The following UTP20 variants were observed in gnomAD, a reference collection of about 807,000 sequenced individuals.
The protein encoded by UTP20 is UTP20 small subunit processome component, also known as small subunit processome component 20 homolog.
A neutral mutation model predicts 329.5 loss-of-function variants in UTP20; 164 were observed. The observed-to-expected ratio is 0.50, with a 90% CI of 0.44 to 0.57. The LOEUF is 0.57. Ranked by LOEUF, UTP20 falls within the 20% of genes least tolerant of loss-of-function variation. The pLI is 0.00. For missense variants in UTP20, 3,055 were observed against 3,284.2 expected (o/e 0.93, Z 1.71); for synonymous variants, 1,151 against 1,159.3 (o/e 0.99, Z 0.14).
chr12:101,376,931 A>T (rs1256755447), intron 56 of UTP20, among the ~76,000 whole-genome samples: 1 of 151,916 alleles, frequency 6.6e-6, no homozygotes, highest in Non-Finnish European at 1.5e-5. Context: ...TACAGGTGTG[A>T]GCCACCACAC....
intron 2 of UTP20, 141 bp from the exon 3 acceptor site, chr12:101,285,429 T>C (rs1871928225): frequency 5.0e-6 from 4 of 796,414 alleles, no homozygotes; most frequent in Middle Eastern, 7.7e-4. Flanking sequence ...TGTTACTTAA[T>C]GGCCTGTTTT....
intron 26 of UTP20, among the ~76,000 whole-genome samples, chr12:101,327,776 G>A (rs189616745): frequency 6.6e-6 from 1 of 152,190 alleles, no homozygotes; most frequent in African/African-American, 2.4e-5. Flanking sequence ...GTGCTCTGTG[G>A]TATGTTCTTT....
intron 11 of UTP20, among the ~76,000 whole-genome samples, chr12:101,294,135 A>G (rs1872266900): frequency 6.6e-6 from 1 of 151,694 alleles, no homozygotes; most frequent in Non-Finnish European, 1.5e-5. Context: ...TCCCAGGTTC[A>G]TGCCATTCTC....
chr12:101,291,961 T>C lies in UTP20; in HGVS notation c.1039-9T>C. The C allele has an allele frequency of 1.2e-6, 2 of 1,610,182 alleles. No homozygotes were observed. Among genetic ancestry groups the C allele is most frequent in the Non-Finnish European group, 1.7e-6 (2 of 1,178,582 alleles). ...ATTGCTGAGTATGCATTGTTTTTTC[T>C]TTTTGCAGGTGTTATCTCAAACACT... On this transcript the variant is annotated splice_polypyrimidine_tract_variant and intron_variant, in intron 9 of 61. Coordinates refer to ENST00000261637, the MANE Select transcript of UTP20 (RefSeq NM_014503.3).
intron 16 of UTP20, among the ~76,000 whole-genome samples, chr12:101,306,334 T>G (rs1872640676): frequency 6.6e-6 from 1 of 152,310 alleles, no homozygotes; most frequent in Middle Eastern, 3.4e-3. Context: ...GTTTTTTTTT[T>G]TAAGTCTTCT....
chr12:101,280,294 G>T lies in UTP20; in HGVS notation c.12G>T (p.Lys4Asn), dbSNP rs1186890675. 1.9e-6 allele frequency: 3 copies of T among 1,551,546 alleles called. No individual in the cohort carries two copies. In the Admixed American group the frequency reaches 5.9e-5, roughly 30 times the overall value. The change falls in exon 1 of 62, where the codon AAG (lysine) becomes AAT (asparagine). Residue 4 changes from lysine (K) to asparagine (N), a missense_variant. Transcript: ENST00000261637. ...GGCCCTCTGCAGCCATGAAGACAAA[G>T]CCCGTTTCCCACAAGACCGAGAACA... MKTKPVSHKTENTY... is the reference protein window; with the variant it reads MKTNPVSHKTENTY...
At chr12:101,369,439 CA>C (rs1870207952) in intron 48 of UTP20, among the ~76,000 whole-genome samples, 1 of 151,962 alleles carries the variant, frequency 6.6e-6, no homozygotes, top group South Asian at 2.1e-4. Context: ...AATGTTTAAA[CA>C]AAGATTAAAT....
Position 101,381,153 on chromosome 12 carries a change from C to T in UTP20, c.7598C>T (p.Ser2533Phe), listed in dbSNP as rs1870632870. Residue 2533 changes from serine to phenylalanine, a missense_variant, in exon 58 of 62, where the codon TCT (serine) becomes TTT (phenylalanine). By Grantham distance (155) the Ser-to-Phe change is radical. This residue lies in a region of UTP20 where 337 missense variants were observed against 345.5 expected (regional missense o/e 0.98). Coordinates refer to ENST00000261637, the MANE Select transcript of UTP20 (RefSeq NM_014503.3). The part of the protein sequence containing the change: ...SDLDQKMKSI[S>F]LASCHQLHSK... ...TTCTTTTCACAGATGAAAAGTATCT[C>T]TCTCGCCTCTTGCCATCAATTGCAT... is the stretch of plus-strand genomic sequence containing the variant. 6.2e-7 allele frequency: 1 copy of T among 1,613,700 alleles called. No individual in the cohort carries two copies. The highest frequency in any genetic ancestry group is 1.3e-5 in the African/African-American group (1 of 74,944).
At chr12:101,284,726 A>G (rs1871905525) in intron 2 of UTP20, among the ~76,000 whole-genome samples, 1 of 152,142 alleles carries the variant, frequency 6.6e-6, no homozygotes, top group South Asian at 2.1e-4. Context: ...AAGTTAAGTA[A>G]CATAGTGGTA....
intron 48 of UTP20, among the ~76,000 whole-genome samples, chr12:101,368,991 G>A (rs1477264471): frequency 1.3e-5 from 2 of 152,212 alleles, no homozygotes; most frequent in Non-Finnish European, 2.9e-5. Context: ...TGCTTTCAAA[G>A]GTTTGGCCTT....
At chr12:101,382,145 C>T (rs1870668190) in intron 58 of UTP20, among the ~76,000 whole-genome samples, 1 of 152,022 alleles carries the variant, frequency 6.6e-6, no homozygotes, top group African/African-American at 2.4e-5. Context: ...TGACTCTCAC[C>T]TGTAACATCA....
At chr12:101,380,842 CCA>C (rs1338500488) in intron 57 of UTP20, among the ~76,000 whole-genome samples, 2 of 144,660 alleles carry the variant, frequency 1.4e-5, no homozygotes, top group East Asian at 4.1e-4. Context: ...CCAGCCCGGG[CCA>C]CAGAGTGAGA....
chr12:101,324,461 T>G (rs1868489856), intron 25 of UTP20, among the ~76,000 whole-genome samples: 1 of 152,024 alleles, frequency 6.6e-6, no homozygotes, highest in South Asian at 2.1e-4. Context: ...TTGTATTTTT[T>G]TGTAGAGATG....
intron 28 of UTP20, 147 bp from the exon 29 acceptor site, chr12:101,334,278 C>A: frequency 1.6e-6 from 1 of 638,998 alleles, no homozygotes; most frequent in Non-Finnish European, 2.6e-6. Flanking sequence ...TCTCTTTATA[C>A]TTTTTCTTAT....
chr12:101,331,795 T>C (rs61582176), intron 27 of UTP20, among the ~76,000 whole-genome samples: 4,812 of 152,242 alleles, frequency 0.032, 285 homozygotes, highest in African/African-American at 0.11. Context: ...ATTAAGGTGA[T>C]ATATAAAAAT....
chr12:101,304,564 C>T (rs1872605340), intron 15 of UTP20, among the ~76,000 whole-genome samples: 1 of 152,218 alleles, frequency 6.6e-6, no homozygotes. Context: ...GATCATGCCA[C>T]TCCTTTGCTC....
chr12:101,379,577 C>T lies in UTP20; in HGVS notation c.7584+19C>T. Reference sequence around the variant, plus strand: ...CCAAAAGGTAAGCTTTCTCTCAAACCTTTTCCTTCCCTCGTGACTGTAAGA... The same window carrying T: ...CCAAAAGGTAAGCTTTCTCTCAAACTTTTTCCTTCCCTCGTGACTGTAAGA... On this transcript the variant is annotated intron_variant, in intron 57 of 61. Transcript: ENST00000261637. 6.3e-7 allele frequency: 1 copy of T among 1,599,654 alleles called. No individual in the cohort carries two copies. Among genetic ancestry groups the T allele is most frequent in the Non-Finnish European group, 8.5e-7 (1 of 1,170,664 alleles).
chr12:101,302,071 C>T (rs993633492), intron 14 of UTP20, among the ~76,000 whole-genome samples: 2 of 152,184 alleles, frequency 1.3e-5, no homozygotes, highest in Admixed American at 6.5e-5. Flanking sequence ...GTTGGGACTA[C>T]AGGTGTGAAC....
intron 55 of UTP20, 84 bp from the exon 56 acceptor site, chr12:101,375,540 G>A: frequency 2.1e-6 from 3 of 1,449,708 alleles, no homozygotes; most frequent in Non-Finnish European, 2.8e-6. Context: ...TCAGAAACGG[G>A]TGGATTGATG....
Sources: allele counts gnomAD v4.1 joint callset (sites outside exome capture counted in the v4.1 genomes callset), GRCh38; gene constraint gnomAD v4.1.1; regional missense constraint gnomAD v4.1.1; transcripts MANE v1.5; gene names NCBI Gene and HGNC (gene_info 2026-07-23, HGNC 2026-07-21).